The following BCAS3 variants were observed in gnomAD, a reference collection of about 807,000 sequenced individuals.
The protein encoded by BCAS3 is BCAS4/BCAS3 fusion.
In BCAS3, 53 loss-of-function variants were observed where a neutral mutation model predicts 116.1. That is an observed-to-expected ratio of 0.46 (90% CI 0.37 to 0.57). The LOEUF is 0.57. Ranked by LOEUF, BCAS3 falls within the 20% of genes least tolerant of loss-of-function variation. The probability of loss-of-function intolerance (pLI) is 0.00; values close to 1 mark genes in which losing one functional copy is unlikely to be tolerated. For synonymous variants in BCAS3, 391 were observed against 408.2 expected (o/e 0.96, Z 0.51); for missense variants, 917 against 1,165.4 (o/e 0.79, Z 3.10).
chr17:61,287,196 C>T (rs979981592), intron 22 of BCAS3, among the ~76,000 whole-genome samples: 9 of 150,848 alleles, frequency 6.0e-5, no homozygotes, highest in Admixed American at 2.6e-4. Context: ...TGCAGTGAGC[C>T]GAGATCGCAC....
rs2065555640 is a variant in BCAS3 at position 61,017,694 on chromosome 17, A to T, written c.1637+1793A>T. ...GAAGTTTAGTGCATAAAATGATATG[A>T]TGTTAGAATTTAATTCATAATATTT... On this transcript the variant is annotated intron_variant, in intron 16 of 23. Coordinates refer to ENST00000407086, the MANE Select transcript of BCAS3 (RefSeq NM_017679.5). The surrounding 1 kb of genome is among the most constrained non-coding windows in gnomAD (Gnocchi z 4.7). 6.6e-6 allele frequency among the ~76,000 whole-genome samples: 1 copy of T among 151,552 alleles called. No individual in the cohort carries two copies. Among genetic ancestry groups the T allele is most frequent in the Non-Finnish European group, 1.5e-5 (1 of 68,014 alleles).
In BCAS3 at chr17:61,021,856, T is replaced by G. The variant is rs1016780217; in HGVS notation, c.1637+5955T>G. ...GGTCTATTCCTTATTTTAATTCAAT[T>G]AGGTACACCTTGGCTCAGTTACACA... is the stretch of plus-strand genomic sequence containing the variant. On this transcript the variant is annotated intron_variant, in intron 16 of 23. Coordinates refer to ENST00000407086, the MANE Select transcript of BCAS3 (RefSeq NM_017679.5). The surrounding 1 kb of genome is among the most constrained non-coding windows in gnomAD (Gnocchi z 4.6). Among the ~76,000 whole-genome samples, 1 of 152,238 alleles carries G rather than the reference T, an allele frequency of 6.6e-6. No homozygotes were observed. The highest frequency in any genetic ancestry group is 1.5e-5 in the Non-Finnish European group (1 of 68,044).
rs879904211 is a variant in BCAS3, at chr17:61,380,292, G to C, written c.2594-11685G>C. 4.7e-5 allele frequency: 27 copies of C among 580,452 alleles called. No homozygotes were observed. The highest frequency in any genetic ancestry group is 3.1e-6 in the Non-Finnish European group (1 of 323,476). 36.0% of individuals were successfully genotyped at this position (580,452 alleles called of 1,614,324 possible). ...ACTCAGGCAGCTGGACTGGGGAGGA[G>C]GGAGAGAGGGAAGGATGATACCAGT... On this transcript the variant is annotated intron_variant, in intron 23 of 23. Coordinates refer to ENST00000407086, the MANE Select transcript of BCAS3 (RefSeq NM_017679.5). The surrounding 1 kb of genome is among the most constrained non-coding windows in gnomAD (Gnocchi z 4.2).
rs1200610178 is a variant in BCAS3 at position 61,339,747 on chromosome 17, C to A, written c.2426-28580C>A. Reference sequence around the variant, plus strand: ...CGCCACTGTACTCCAGTCGGGGCGACAAAGCGAGACCCCATCTAAAAAAAA... The same window carrying A: ...CGCCACTGTACTCCAGTCGGGGCGAAAAAGCGAGACCCCATCTAAAAAAAA... On this transcript the variant is annotated intron_variant, in intron 22 of 23. Coordinates refer to ENST00000407086, the MANE Select transcript of BCAS3 (RefSeq NM_017679.5). The surrounding 1 kb of genome is among the most constrained non-coding windows in gnomAD (Gnocchi z 4.4). Among the ~76,000 whole-genome samples, 5 of 140,774 alleles carry A rather than the reference C, an allele frequency of 3.6e-5. No individual in the cohort carries two copies. Among genetic ancestry groups the A allele is most frequent in the African/African-American group, 1.3e-4 (5 of 37,554 alleles). 92.4% of individuals were successfully genotyped at this position (140,774 alleles called of 152,430 possible). A position where few individuals can be genotyped will look rare whatever the true frequency, so the allele number is the denominator to read the frequency against.
At chr17:60,792,292 A>G (rs959153295) in intron 6 of BCAS3, among the ~76,000 whole-genome samples, 17 of 152,220 alleles carry the variant, frequency 1.1e-4, no homozygotes, top group Non-Finnish European at 8.8e-5. Context: ...TTGGCAGGGC[A>G]GGAGCTTCGT....
intron 6 of BCAS3, among the ~76,000 whole-genome samples, chr17:60,794,889 C>G (rs79628690): frequency 6.6e-6 from 1 of 152,028 alleles, no homozygotes; most frequent in Non-Finnish European, 1.5e-5. Context: ...TATATGGGCT[C>G]TTTTTTGGTT....
In BCAS3 at chr17:61,326,831, AG is replaced by A. The variant is rs1307837322; in HGVS notation, c.2426-41495del. ...TTTGGTCTAGGGGTTTCCTTAGGAA[AG>A]AATGGGGAGAGAAGAATGGGAGGTG... is the stretch of plus-strand genomic sequence containing the variant. On this transcript the variant is annotated intron_variant, in intron 22 of 23. Transcript: ENST00000407086. The surrounding 1 kb of genome is among the most constrained non-coding windows in gnomAD (Gnocchi z 5.3). Among the ~76,000 whole-genome samples the A allele has an allele frequency of 6.6e-6, 1 of 152,174 alleles. No individual in the cohort carries two copies. Among genetic ancestry groups the A allele is most frequent in the African/African-American group, 2.4e-5 (1 of 41,448 alleles).
chr17:60,682,021 C>T (rs569830456), intron 2 of BCAS3, among the ~76,000 whole-genome samples: 35 of 152,246 alleles, frequency 2.3e-4, no homozygotes, highest in African/African-American at 6.5e-4. Flanking sequence ...TGAGCCACCG[C>T]GCCCGGCCTA....
intron 7 of BCAS3, among the ~76,000 whole-genome samples, chr17:60,816,042 G>T (rs1207093490): frequency 1.3e-5 from 2 of 151,902 alleles, no homozygotes; most frequent in East Asian, 3.9e-4. Flanking sequence ...ACTGTACCTG[G>T]GTATTTACAT....
rs576602464 is a variant in BCAS3, at chr17:61,195,259, C to T, written c.2425+110695C>T. On this transcript the variant is annotated intron_variant, in intron 22 of 23. Coordinates refer to ENST00000407086, the MANE Select transcript of BCAS3 (RefSeq NM_017679.5). ...GCTGTTCATTCTCTTCTCATTTAAC[C>T]GCAGATGAAATATTGGTTGTCCAGG... 5.9e-5 allele frequency among the ~76,000 whole-genome samples: 9 copies of T among 152,220 alleles called. No individual in the cohort carries two copies. The South Asian group carries it at 6.2e-4, about 10-fold the overall frequency.
rs2051658750 is a variant in BCAS3, at chr17:61,285,320, G to A, written c.2426-83007G>A. Among the ~76,000 whole-genome samples, 1 of 152,030 alleles carries A rather than the reference G, an allele frequency of 6.6e-6. No individual in the cohort carries two copies. Among genetic ancestry groups the A allele is most frequent in the Non-Finnish European group, 1.5e-5 (1 of 68,012 alleles). ...TACAACAGTGCACGGCAGAGTCCCT[G>A]CTAATAAATGTATATAAAAGAACTG... On this transcript the variant is annotated intron_variant, in intron 22 of 23. Transcript: ENST00000407086. This position sits in a 1 kb window ranked among gnomAD's most constrained non-coding sequence, Gnocchi z 5.4.
In BCAS3 at chr17:61,198,132, G is replaced by GTTTTTT. The variant is rs11311858; in HGVS notation, c.2425+113575_2425+113580dup. ...GCGATTAAGATAAAGTGCAAGATATGTTTTTTTTTTTTCTTTTTTTTTTTT... is the reference window on the plus strand; with the variant it reads ...GCGATTAAGATAAAGTGCAAGATATGTTTTTTTTTTTTTTTTTTCTTTTTTTTTTTT... On this transcript the variant is annotated intron_variant, in intron 22 of 23. Coordinates refer to ENST00000407086, the MANE Select transcript of BCAS3 (RefSeq NM_017679.5). The surrounding 1 kb of genome is among the most constrained non-coding windows in gnomAD (Gnocchi z 5.0). 7.0e-6 allele frequency among the ~76,000 whole-genome samples: 1 copy of GTTTTTT among 143,654 alleles called. No individual in the cohort carries two copies. The allele number at this position is 143,654 out of a possible 152,430, so 94.2% of individuals were successfully genotyped here. A position where few individuals can be genotyped will look rare whatever the true frequency, so the allele number is the denominator to read the frequency against.
chr17:61,297,685 C>CA (rs1342883702), intron 22 of BCAS3, among the ~76,000 whole-genome samples: 1 of 151,986 alleles, frequency 6.6e-6, no homozygotes, highest in Non-Finnish European at 1.5e-5. Context: ...GGTCGATGGG[C>CA]AGAGTCAAAA....
Position 61,388,591 on chromosome 17 carries a change from A to T in BCAS3, c.2594-3386A>T. ...CGTTGTCCATATCTTTTCCAAAAAG[A>T]TTCCTCAATGCTTTTCTTTTCAAAA... On this transcript the variant is annotated intron_variant, in intron 23 of 23. Coordinates refer to ENST00000407086, the MANE Select transcript of BCAS3 (RefSeq NM_017679.5). This position sits in a 1 kb window ranked among gnomAD's most constrained non-coding sequence, Gnocchi z 6.5. 1 of 1,526,574 alleles carries T rather than the reference A, an allele frequency of 6.6e-7. No individual in the cohort carries two copies. Among genetic ancestry groups the T allele is most frequent in the Non-Finnish European group, 8.8e-7 (1 of 1,142,366 alleles). 94.6% of individuals were successfully genotyped at this position (1,526,574 alleles called of 1,614,324 possible).
chr17:61,019,767 T>C lies in BCAS3; in HGVS notation c.1637+3866T>C, dbSNP rs2065747060. Among the ~76,000 whole-genome samples, 1 of 152,222 alleles carries C rather than the reference T, an allele frequency of 6.6e-6. No homozygotes were observed. The highest frequency in any genetic ancestry group is 2.4e-5 in the African/African-American group (1 of 41,466). The stretch of plus-strand genomic sequence containing the variant: ...TAATTATTGGCATTAAATTGTATTG[T>C]ATTTGCTGAGAAATCTGATGGCTCC... On this transcript the variant is annotated intron_variant, in intron 16 of 23. Transcript: ENST00000407086. The surrounding 1 kb of genome is among the most constrained non-coding windows in gnomAD (Gnocchi z 5.6).
chr17:61,055,633 G>A (rs1212624091), intron 19 of BCAS3, among the ~76,000 whole-genome samples: 1 of 152,188 alleles, frequency 6.6e-6, no homozygotes, highest in East Asian at 1.9e-4. Context: ...GGGACGTCTG[G>A]TAGTCTGGAG....
At position 61,361,042 on chromosome 17, in the gene BCAS3, A is replaced by G. The variant is rs1188716178; in HGVS notation, c.2426-7285A>G. On this transcript the variant is annotated intron_variant, in intron 22 of 23. Coordinates refer to ENST00000407086, the MANE Select transcript of BCAS3 (RefSeq NM_017679.5). This position sits in a 1 kb window ranked among gnomAD's most constrained non-coding sequence, Gnocchi z 6.5. ...CCCTAGGATACCTCAAATATCAGAC[A>G]CCATTTTCTGGAAGTATACTATTGT... 6.6e-6 allele frequency among the ~76,000 whole-genome samples: 1 copy of G among 152,140 alleles called. No individual in the cohort carries two copies. Among genetic ancestry groups the G allele is most frequent in the Non-Finnish European group, 1.5e-5 (1 of 68,018 alleles).
At chr17:61,048,708 T>C (rs1468503105) in intron 19 of BCAS3, among the ~76,000 whole-genome samples, 2 of 151,432 alleles carry the variant, frequency 1.3e-5, no homozygotes, top group African/African-American at 2.4e-5. Flanking sequence ...CTAGAGTTTG[T>C]TGGATGGGAT....
intron 22 of BCAS3, among the ~76,000 whole-genome samples, chr17:61,169,280 A>C: frequency 6.6e-6 from 1 of 152,226 alleles, no homozygotes. Flanking sequence ...CAAAATGGCA[A>C]ATCATATTAA....
Sources: allele counts gnomAD v4.1 joint callset (sites outside exome capture counted in the v4.1 genomes callset), GRCh38; gene constraint gnomAD v4.1.1; non-coding constraint Gnocchi (gnomAD v3.1); transcripts MANE v1.5; gene names NCBI Gene and HGNC (gene_info 2026-07-23, HGNC 2026-07-21).